The following MEGF6 variants were observed in gnomAD, a reference collection of about 807,000 sequenced individuals.
MEGF6 encodes the protein multiple EGF like domains 6.
Under a neutral mutation model 207.1 loss-of-function variants are expected in MEGF6, and 184 were observed. The observed-to-expected ratio is 0.89, with a 90% CI of 0.79 to 1.00. MEGF6 has a LOEUF of 1.00. MEGF6 is among the 50% of genes least tolerant of loss of function. MEGF6 has a pLI of 0.00. For missense variants in MEGF6, 2,282 were observed against 2,202.9 expected (o/e 1.04, Z -0.72); for synonymous variants, 1,038 against 910.0 (o/e 1.14, Z -2.53).
chr1:3,563,217 T>G (rs1169971703), intron 4 of MEGF6, among the ~76,000 whole-genome samples: 1 of 152,070 alleles, frequency 6.6e-6, no homozygotes, highest in Non-Finnish European at 1.5e-5. Context: ...GCCCAAACCT[T>G]CATCAAGACC....
chr1:3,525,349 G>A (rs1404464131), intron 4 of MEGF6, among the ~76,000 whole-genome samples: 2 of 152,350 alleles, frequency 1.3e-5, no homozygotes, highest in South Asian at 2.1e-4. Context: ...GAGTAGGAGA[G>A]CAGGAAGGGG....
chr1:3,585,049 GGAGT>G (rs542786274), intron 3 of MEGF6, among the ~76,000 whole-genome samples: 67 of 152,098 alleles, frequency 4.4e-4, no homozygotes, highest in African/African-American at 1.1e-3. Context: ...CCTGTGTGTG[GGAGT>G]GAGTGACACG....
intron 1 of MEGF6, among the ~76,000 whole-genome samples, chr1:3,605,826 T>C (rs533150855): frequency 1.3e-5 from 2 of 152,348 alleles, no homozygotes; most frequent in South Asian, 4.1e-4. Context: ...GAAGAGGCAC[T>C]GGGGTGTGGC....
At chr1:3,517,623 A>G (rs1641596237) in intron 5 of MEGF6, among the ~76,000 whole-genome samples, 2 of 151,958 alleles carry the variant, frequency 1.3e-5, no homozygotes, top group Admixed American at 6.6e-5. Context: ...ATGTGTCCAG[A>G]CCCCTCGGGA....
chr1:3,597,919 T>A (rs1481326592), intron 2 of MEGF6, among the ~76,000 whole-genome samples: 1 of 152,156 alleles, frequency 6.6e-6, no homozygotes, highest in African/African-American at 2.4e-5. Context: ...GTCCCAAGGC[T>A]CTGAGGCCTT....
At position 3,528,205 on chromosome 1, in the gene MEGF6, A is replaced by C. The variant is rs145806122; in HGVS notation, c.482-3959T>G. Among the ~76,000 whole-genome samples the C allele has an allele frequency of 3.1e-4, 47 of 152,234 alleles. No homozygotes were observed. The East Asian group carries it at 8.1e-3, about 26-fold the overall frequency. ...ACAACCTCCTGCTGGGGTCCCCTCC[A>C]CTCTGAGATCTCAGCCCCTTTGAAC... On this transcript the variant is annotated intron_variant, in intron 4 of 36. Transcript: ENST00000356575.
intron 5 of MEGF6, among the ~76,000 whole-genome samples, chr1:3,517,287 G>A (rs1364322198): frequency 1.3e-5 from 2 of 152,188 alleles, no homozygotes; most frequent in African/African-American, 2.4e-5. Flanking sequence ...GAAAGAAAGA[G>A]GCTTCTCATC....
chr1:3,531,041 T>G, intron 4 of MEGF6: 1 of 1,457,106 alleles, frequency 6.9e-7, no homozygotes, highest in Non-Finnish European at 9.0e-7. Context: ...GGGAGCGCCC[T>G]GGCCCCGCCC....
chr1:3,524,466 G>C (rs567092412), intron 4 of MEGF6, among the ~76,000 whole-genome samples: 1 of 152,326 alleles, frequency 6.6e-6, no homozygotes, highest in Admixed American at 6.5e-5. Flanking sequence ...CCACCGCCTC[G>C]AGGGCCGGCC....
At chr1:3,504,744 C>T (rs1441323010) in intron 17 of MEGF6, among the ~76,000 whole-genome samples, 4 of 152,168 alleles carry the variant, frequency 2.6e-5, no homozygotes, top group African/African-American at 7.2e-5. Flanking sequence ...AAAGCATCCA[C>T]GTGCAGGGGC....
chr1:3,534,241 AGAGAACTACCCAGT>A (rs1334995701), intron 4 of MEGF6, among the ~76,000 whole-genome samples: 1 of 152,222 alleles, frequency 6.6e-6, no homozygotes, highest in African/African-American at 2.4e-5. Flanking sequence ...AAAGAATAGA[AGAGAACTACCCAGT>A]GAGCCATTTT....
Position 3,494,406 on chromosome 1 carries a change from C to T in MEGF6, c.4094G>A (p.Cys1365Tyr). ...TCEPATGTCR[C>Y]GPGFYGQACE... The stretch of plus-strand genomic sequence containing the variant: ...GGCCTGGCCATAGAAGCCGGGGCCG[C>T]AGCGGCAGGTGCCCGTGGCAGGCTC... The change falls in exon 32 of 37, where the codon TGC becomes TAC. Residue 1365 changes from cysteine to tyrosine, a missense_variant. Physicochemically the swap from Cys to Tyr is radical, Grantham distance 194. Transcript: ENST00000356575. 1 of 1,548,500 alleles carries T rather than the reference C, an allele frequency of 6.5e-7. No homozygotes were observed. The highest frequency in any genetic ancestry group is 8.7e-7 in the Non-Finnish European group (1 of 1,151,948).
At chr1:3,528,283 C>T (rs1006087854) in intron 4 of MEGF6, among the ~76,000 whole-genome samples, 2 of 152,194 alleles carry the variant, frequency 1.3e-5, no homozygotes, top group African/African-American at 4.8e-5. Context: ...AAGGTAGGAA[C>T]GCGTCACCCA....
chr1:3,507,523 G>A (rs1641160888), intron 14 of MEGF6, among the ~76,000 whole-genome samples: 1 of 152,200 alleles, frequency 6.6e-6, no homozygotes, highest in African/African-American at 2.4e-5. Flanking sequence ...CTGCTCTGTA[G>A]TCTTATCGTC....
intron 9 of MEGF6, among the ~76,000 whole-genome samples, 175 bp from the exon 10 acceptor site, chr1:3,511,077 C>G (rs1349464366): frequency 6.6e-6 from 1 of 152,258 alleles, no homozygotes; most frequent in Admixed American, 6.5e-5. Flanking sequence ...CAATCGCACC[C>G]ACCACACAAT....
chr1:3,524,348 G>A (rs991205916), intron 4 of MEGF6, 102 bp from the exon 5 acceptor site: 86 of 1,473,052 alleles, frequency 5.8e-5, no homozygotes, highest in Admixed American at 1.1e-4. Flanking sequence ...GGTCCCTCCC[G>A]TGCCTCGAGG....
chr1:3,520,261 C>G (rs532211428), intron 5 of MEGF6, among the ~76,000 whole-genome samples: 5 of 152,344 alleles, frequency 3.3e-5, no homozygotes, highest in Admixed American at 3.3e-4. Flanking sequence ...CGGGGTCATG[C>G]GCGGGCATCA....
In MEGF6 at chr1:3,506,247, C is replaced by T. The variant is rs755652376; in HGVS notation, c.1790-11G>A. On this transcript the variant is annotated splice_polypyrimidine_tract_variant and intron_variant, in intron 14 of 36. Coordinates refer to ENST00000356575, the MANE Select transcript of MEGF6 (RefSeq NM_001409.4). The stretch of plus-strand genomic sequence containing the variant: ...AGCCCTTGGGGCAGCCTGGGGGCAG[C>T]GGGGCTCCATGTGAACCTTGGTGGC... 2.4e-5 allele frequency: 39 copies of T among 1,606,890 alleles called. No individual in the cohort carries two copies. The highest frequency in any genetic ancestry group is 2.9e-5 in the Non-Finnish European group (34 of 1,177,514).
intron 4 of MEGF6, among the ~76,000 whole-genome samples, chr1:3,577,205 C>T (rs574660574): frequency 6.6e-6 from 1 of 152,222 alleles, no homozygotes; most frequent in African/African-American, 2.4e-5. Flanking sequence ...TTGTCAACTG[C>T]CCCCTGTGAA....
Sources: gnomAD v4.1 joint callset for allele counts (sites outside exome capture counted in the v4.1 genomes callset) on GRCh38, gnomAD v4.1.1 for gene constraint, MANE v1.5 for transcripts, NCBI Gene and HGNC (gene_info 2026-07-23, HGNC 2026-07-21) for gene names.